The following CHURC1 variants were observed in gnomAD, a reference collection of about 807,000 sequenced individuals.
CHURC1 encodes churchill domain containing 1, also known as protein Churchill.
A neutral mutation model predicts 15.4 loss-of-function variants in CHURC1; 12 were observed. That is an observed-to-expected ratio of 0.78 (90% CI 0.50 to 1.27). The LOEUF (loss-of-function observed/expected upper bound fraction) is 1.27. Among genes scored for constraint, CHURC1 ranks in the 50% most tolerant of loss-of-function variants. CHURC1 has a pLI of 0.00. For missense variants in CHURC1, 132 were observed against 137.8 expected (o/e 0.96, Z 0.21); for synonymous variants, 42 against 47.5 (o/e 0.88, Z 0.48).
intron 1 of CHURC1, among the ~76,000 whole-genome samples, chr14:64,919,207 A>G (rs568760876): frequency 6.6e-6 from 1 of 152,244 alleles, no homozygotes; most frequent in South Asian, 2.1e-4. Context: ...CAAAATTGTA[A>G]TCAAATATTT....
chr14:64,923,298 G>A (rs1310292161), intron 1 of CHURC1, among the ~76,000 whole-genome samples: 2 of 118,788 alleles, frequency 1.7e-5, no homozygotes, highest in African/African-American at 7.0e-5. Context: ...GGCTTCCTTT[G>A]AGCCAGGAGC....
chr14:64,914,644 G>C, intron 1 of CHURC1, 110 bp downstream of exon 1: 4 of 1,566,924 alleles, frequency 2.6e-6, no homozygotes, highest in Non-Finnish European at 3.5e-6. Context: ...CCGCACTGCC[G>C]GTCCCGGTGA....
rs75037531 is a variant in CHURC1, at chr14:64,918,260, G to A, written c.39+3726G>A. On this transcript the variant is annotated intron_variant, in intron 1 of 3. Transcript: ENST00000549115. ...AAACTTTTCTTTGGAATTTTAGAAG[G>A]CAGATTTAGAAATAATTAGTGGGTG... is the stretch of plus-strand genomic sequence containing the variant. Among the ~76,000 whole-genome samples, 898 of 152,292 alleles carry A rather than the reference G, an allele frequency of 5.9e-3. 7 individuals are homozygous for A. The highest frequency in any genetic ancestry group is 0.021 in the African/African-American group (871 of 41,554).
At chr14:64,915,754 G>A (rs1466472098) in intron 1 of CHURC1, among the ~76,000 whole-genome samples, 2 of 152,174 alleles carry the variant, frequency 1.3e-5, no homozygotes, top group East Asian at 1.9e-4. Context: ...CTAGAAAAAT[G>A]CATGTGTATA....
Position 64,926,605 on chromosome 14 carries a change from C to G in CHURC1, c.246+525C>G, listed in dbSNP as rs78134631. Among the ~76,000 whole-genome samples, 852 of 152,264 alleles carry G rather than the reference C, an allele frequency of 5.6e-3. 9 individuals are homozygous for G. The highest frequency in any genetic ancestry group is 0.019 in the African/African-American group (798 of 41,550). ...TGGTGTCCTGTCAACTGCCACCATACTTGCCCAGCATGGAAACTGTGATAA... is the reference window on the plus strand; with the variant it reads ...TGGTGTCCTGTCAACTGCCACCATAGTTGCCCAGCATGGAAACTGTGATAA... On this transcript the variant is annotated intron_variant, in intron 3 of 3. Coordinates refer to ENST00000549115, the MANE Select transcript of CHURC1 (RefSeq NM_001386928.1).
intron 1 of CHURC1, among the ~76,000 whole-genome samples, chr14:64,918,505 T>G (rs995567699): frequency 6.6e-6 from 1 of 152,186 alleles, no homozygotes; most frequent in African/African-American, 2.4e-5. Context: ...TGCTCAGCTT[T>G]GCAGAAGCTT....
At chr14:64,915,062 C>G (rs568808973) in intron 1 of CHURC1, among the ~76,000 whole-genome samples, 1 of 152,344 alleles carries the variant, frequency 6.6e-6, no homozygotes, top group South Asian at 2.1e-4. Flanking sequence ...CAGTTACTTT[C>G]AGGTTCAGGA....
chr14:64,925,203 G>T (rs1468490831), intron 2 of CHURC1, among the ~76,000 whole-genome samples: 3 of 151,974 alleles, frequency 2.0e-5, no homozygotes, highest in African/African-American at 7.3e-5. Context: ...ACCTCATTGG[G>T]TTTTTTAGAA....
chr14:64,921,414 G>A (rs971606909), intron 1 of CHURC1, among the ~76,000 whole-genome samples: 1 of 152,082 alleles, frequency 6.6e-6, no homozygotes, highest in African/African-American at 2.4e-5. Context: ...CAATGACGGA[G>A]AAAATATATT....
intron 3 of CHURC1, among the ~76,000 whole-genome samples, chr14:64,926,545 C>T (rs761298986): frequency 2.6e-5 from 4 of 152,070 alleles, no homozygotes; most frequent in Non-Finnish European, 4.4e-5. Flanking sequence ...TTTTTTCTGC[C>T]CAGTTACGTG....
At chr14:64,919,535 C>T (rs1884122783) in intron 1 of CHURC1, among the ~76,000 whole-genome samples, 1 of 152,090 alleles carries the variant, frequency 6.6e-6, no homozygotes. Context: ...GTTATAAGTG[C>T]CTATATTTAA....
chr14:64,927,724 C>CT (rs1489518434), intron 3 of CHURC1, among the ~76,000 whole-genome samples: 1 of 119,860 alleles, frequency 8.3e-6, no homozygotes, highest in Non-Finnish European at 1.8e-5. Flanking sequence ...CCACCCCCCC[C>CT]CCCGCCGTCA....
chr14:64,921,814 T>A (rs1239314995), intron 1 of CHURC1, among the ~76,000 whole-genome samples: 1 of 152,212 alleles, frequency 6.6e-6, no homozygotes, highest in Non-Finnish European at 1.5e-5. Context: ...AAGGAAGACA[T>A]GTATCCATCC....
Position 64,932,427 on chromosome 14 carries a change from A to T in CHURC1, c.*197A>T. The T allele has an allele frequency of 7.6e-7, 1 of 1,320,204 alleles. No individual in the cohort carries two copies. The highest frequency in any genetic ancestry group is 2.0e-5 in the South Asian group (1 of 49,526). 81.8% of individuals were successfully genotyped at this position (1,320,204 alleles called of 1,614,324 possible). On this transcript the variant is annotated 3_prime_UTR_variant, in exon 4 of 4. Coordinates refer to ENST00000549115, the MANE Select transcript of CHURC1 (RefSeq NM_001386928.1). Reference sequence around the variant, plus strand: ...GCTGAGCTCTTCTGCTAAAGTTCAAAGTTCACATCAGTGTAGCCAGAGTGA... The same window carrying T: ...GCTGAGCTCTTCTGCTAAAGTTCAATGTTCACATCAGTGTAGCCAGAGTGA...
chr14:64,931,473 G>A (rs1437851347), intron 3 of CHURC1, among the ~76,000 whole-genome samples: 1 of 151,998 alleles, frequency 6.6e-6, no homozygotes, highest in African/African-American at 2.4e-5. Context: ...GGTCAAGGCT[G>A]CAGTGAACCA....
At position 64,933,710 on chromosome 14, in the gene CHURC1, A is replaced by G. The variant is rs1885199780; in HGVS notation, c.*1480A>G. On this transcript the variant is annotated 3_prime_UTR_variant, in exon 4 of 4. Coordinates refer to ENST00000549115, the MANE Select transcript of CHURC1 (RefSeq NM_001386928.1). ...TTTAAAGGGTCAGGCATTAGAAACAAAAGTGTTTCTTCATATCTAGGAGAT... is the reference window on the plus strand; with the variant it reads ...TTTAAAGGGTCAGGCATTAGAAACAGAAGTGTTTCTTCATATCTAGGAGAT... The G allele has an allele frequency of 5.1e-6, 5 of 985,460 alleles. No homozygotes were observed. The highest frequency in any genetic ancestry group is 6.0e-6 in the Non-Finnish European group (5 of 829,940). The allele number at this position is 985,460 out of a possible 1,614,324, so 61.0% of individuals were successfully genotyped here.
intron 1 of CHURC1, among the ~76,000 whole-genome samples, chr14:64,923,210 A>C (rs931662347): frequency 6.1e-5 from 9 of 148,008 alleles, no homozygotes; most frequent in African/African-American, 2.3e-4. Flanking sequence ...AGGTGGGAAG[A>C]TCATTTGAGC....
chr14:64,934,572 T>TG lies in CHURC1; in HGVS notation c.*2343dup. On this transcript the variant is annotated 3_prime_UTR_variant, in exon 4 of 4. Transcript: ENST00000549115. ...TATTCAGAAAAGTTAAGTCAGCTGT[T>TG]GCAGGGATCAGTTGTTTTATTCCTG... 1 of 985,478 alleles carries TG rather than the reference T, an allele frequency of 1.0e-6. No homozygotes were observed. Among genetic ancestry groups the TG allele is most frequent in the Non-Finnish European group, 1.2e-6 (1 of 829,946 alleles). The allele number at this position is 985,478 out of a possible 1,614,324, so 61.0% of individuals were successfully genotyped here. A position where few individuals can be genotyped will look rare whatever the true frequency, so the allele number is the denominator to read the frequency against.
chr14:64,922,989 T>G (rs910927528), intron 1 of CHURC1, among the ~76,000 whole-genome samples: 8 of 152,242 alleles, frequency 5.3e-5, no homozygotes, highest in Non-Finnish European at 5.9e-5. Flanking sequence ...CTTTGCACAA[T>G]ATCAGACACA....
Sources: allele counts gnomAD v4.1 joint callset (sites outside exome capture counted in the v4.1 genomes callset), GRCh38; gene constraint gnomAD v4.1.1; transcripts MANE v1.5; gene names NCBI Gene and HGNC (gene_info 2026-07-23, HGNC 2026-07-21).